Variants in NALF1 observed in about 807,000 individuals in gnomAD.
NALF1 encodes the protein family with sequence similarity 155 member A.
Under a neutral mutation model 48.4 loss-of-function variants are expected in NALF1, and 3 were observed. That is an observed-to-expected ratio of 0.06 (90% CI 0.03 to 0.16). NALF1 has a LOEUF of 0.16. Ranked by LOEUF, NALF1 falls within the 10% of genes least tolerant of loss-of-function variation. NALF1 has a pLI of 1.00. For synonymous variants in NALF1, 262 were observed against 245.7 expected (o/e 1.07, Z -0.62); for missense variants, 526 against 571.5 (o/e 0.92, Z 0.81).
chr13:107,709,479 C>T (rs753700042), intron 1 of NALF1, among the ~76,000 whole-genome samples: 39 of 152,176 alleles, frequency 2.6e-4, no homozygotes, highest in Non-Finnish European at 5.4e-4. Flanking sequence ...CAACTCATTG[C>T]ATGCTAACCA....
At chr13:107,215,587 G>A (rs1879856316) in intron 1 of NALF1, among the ~76,000 whole-genome samples, 1 of 152,198 alleles carries the variant, frequency 6.6e-6, no homozygotes, top group African/African-American at 2.4e-5. Context: ...TCCTGATTAC[G>A]GGGAGTGATG....
intron 1 of NALF1, among the ~76,000 whole-genome samples, chr13:107,668,083 G>A (rs1566436753): frequency 6.6e-6 from 1 of 151,948 alleles, no homozygotes; most frequent in Non-Finnish European, 1.5e-5. Flanking sequence ...CTTATATATT[G>A]GTAGTTCAAG....
intron 1 of NALF1, among the ~76,000 whole-genome samples, chr13:107,211,689 T>TA (rs11406223): frequency 0.065 from 9,871 of 152,242 alleles, 1,011 homozygotes; most frequent in African/African-American, 0.22. Context: ...GGCTTTTACT[T>TA]ATCTATTTCT....
chr13:107,716,532 G>T (rs1461686294), intron 1 of NALF1, among the ~76,000 whole-genome samples: 1 of 152,128 alleles, frequency 6.6e-6, no homozygotes, highest in Non-Finnish European at 1.5e-5. Flanking sequence ...AAATTTGTTG[G>T]GCCACTGCTT....
chr13:107,382,910 A>T (rs1045942364), intron 1 of NALF1, among the ~76,000 whole-genome samples: 1 of 152,342 alleles, frequency 6.6e-6, no homozygotes, highest in East Asian at 1.9e-4. Flanking sequence ...TGAAACAGAC[A>T]ACAGAAAGCT....
At chr13:107,182,746 C>T (rs1175242273) in intron 2 of NALF1, among the ~76,000 whole-genome samples, 1 of 152,218 alleles carries the variant, frequency 6.6e-6, no homozygotes, top group African/African-American at 2.4e-5. Flanking sequence ...ACAAATCCCT[C>T]ACCACTTTTT....
At chr13:107,636,970 C>T (rs1174592134) in intron 1 of NALF1, among the ~76,000 whole-genome samples, 2 of 150,852 alleles carry the variant, frequency 1.3e-5, no homozygotes, top group Non-Finnish European at 1.5e-5. Flanking sequence ...AACAGTGGTC[C>T]CATAAGATTA....
At chr13:107,782,205 C>T (rs977205241) in intron 1 of NALF1, among the ~76,000 whole-genome samples, 3 of 152,308 alleles carry the variant, frequency 2.0e-5, no homozygotes, top group East Asian at 1.9e-4. Context: ...AGGCGCGTGC[C>T]GCCACGCCTG....
intron 1 of NALF1, among the ~76,000 whole-genome samples, chr13:107,586,947 G>A (rs1878478231): frequency 1.3e-5 from 2 of 151,914 alleles, no homozygotes. Context: ...CTTATATAGA[G>A]CCATGCATTA....
intron 1 of NALF1, among the ~76,000 whole-genome samples, chr13:107,484,905 G>C (rs985090236): frequency 2.0e-5 from 3 of 152,106 alleles, no homozygotes; most frequent in Non-Finnish European, 2.9e-5. Context: ...TTGCTGGAAA[G>C]CCTCTCAGAG....
At chr13:107,679,785 G>A (rs1425044970) in intron 1 of NALF1, among the ~76,000 whole-genome samples, 2 of 152,302 alleles carry the variant, frequency 1.3e-5, no homozygotes, top group African/African-American at 4.8e-5. Flanking sequence ...TTCCATGGAA[G>A]CTCCACCCAG....
chr13:107,406,229 C>A (rs1325973646), intron 1 of NALF1, among the ~76,000 whole-genome samples: 1 of 151,926 alleles, frequency 6.6e-6, no homozygotes, highest in Non-Finnish European at 1.5e-5. Flanking sequence ...GGAATAAGTT[C>A]TTACTTAACA....
rs543116946 is a variant in NALF1 at position 107,512,156 on chromosome 13, A to G, written c.916-301401T>C. ...ACGCCTGTAATCCCAGCACTTTGGG[A>G]GGCCAAGGCGGGTGGATCACGAGGT... On this transcript the variant is annotated intron_variant, in intron 1 of 2. Transcript: ENST00000375915. Among the ~76,000 whole-genome samples the G allele has an allele frequency of 1.6e-3, 251 of 152,310 alleles. 1 individual carries two copies. Among genetic ancestry groups the G allele is most frequent in the African/African-American group, 5.8e-3 (241 of 41,572 alleles).
intron 1 of NALF1, among the ~76,000 whole-genome samples, chr13:107,853,904 C>T (rs527591165): frequency 3.3e-5 from 5 of 152,270 alleles, no homozygotes; most frequent in African/African-American, 1.2e-4. Flanking sequence ...GACTGTTTCA[C>T]CCACTAAGTT....
At chr13:107,646,068 T>A (rs1880306913) in intron 1 of NALF1, among the ~76,000 whole-genome samples, 1 of 152,120 alleles carries the variant, frequency 6.6e-6, no homozygotes, top group African/African-American at 2.4e-5. Flanking sequence ...CGGGCTTCCC[T>A]GCTCTTGGTA....
At chr13:107,439,153 T>C (rs1884515046) in intron 1 of NALF1, among the ~76,000 whole-genome samples, 1 of 152,150 alleles carries the variant, frequency 6.6e-6, no homozygotes, top group Non-Finnish European at 1.5e-5. Flanking sequence ...GGTTATCTCA[T>C]TGTAATCGAC....
In NALF1 at chr13:107,510,449, GTCGAAAGA is replaced by G. The variant is rs1264851478; in HGVS notation, c.916-299702_916-299695del. Among the ~76,000 whole-genome samples the G allele has an allele frequency of 3.2e-4, 49 of 152,114 alleles. 1 individual carries two copies. The highest frequency in any genetic ancestry group is 3.0e-3 in the Admixed American group (46 of 15,276). ...AATCAGGGCCAGAATCACAACAGAG[GTCGAAAGA>G]GTTTTGTATTCTACAGATTTCTAAG... On this transcript the variant is annotated intron_variant, in intron 1 of 2. Coordinates refer to ENST00000375915, the MANE Select transcript of NALF1 (RefSeq NM_001080396.3).
intron 1 of NALF1, among the ~76,000 whole-genome samples, chr13:107,464,017 C>T (rs1256401139): frequency 6.6e-6 from 1 of 152,148 alleles, no homozygotes; most frequent in African/African-American, 2.4e-5. Flanking sequence ...AGAAAACCTA[C>T]TAGTTAGGTG....
At chr13:107,621,300 A>G (rs1879511533) in intron 1 of NALF1, among the ~76,000 whole-genome samples, 1 of 152,342 alleles carries the variant, frequency 6.6e-6, no homozygotes, top group African/African-American at 2.4e-5. Flanking sequence ...TATTAATATT[A>G]CTTCAGAATG....
Sources: gnomAD v4.1 joint callset for allele counts (sites outside exome capture counted in the v4.1 genomes callset) on GRCh38, gnomAD v4.1.1 for gene constraint, MANE v1.5 for transcripts, NCBI Gene and HGNC (gene_info 2026-07-23, HGNC 2026-07-21) for gene names.